Variants in TPD52 observed in about 807,000 individuals in gnomAD.
TPD52 encodes the protein prostate and colon associated protein.
Under a neutral mutation model 31.3 loss-of-function variants are expected in TPD52, and 17 were observed. That is an observed-to-expected ratio of 0.54 (90% CI 0.37 to 0.82). The LOEUF (loss-of-function observed/expected upper bound fraction) is 0.82, where lower values mean the gene tolerates loss of function less well. Ranked by LOEUF, TPD52 falls within the 40% of genes least tolerant of loss-of-function variation. The pLI is 0.00. For missense variants in TPD52, 212 were observed against 240.1 expected, an observed-to-expected ratio of 0.88 and a Z score of 0.77; for synonymous variants, 83 against 89.6, an observed-to-expected ratio of 0.93 and a Z score of 0.42.
intron 1 of TPD52, among the ~76,000 whole-genome samples, chr8:80,093,048 T>G (rs958024398): frequency 5.3e-5 from 8 of 152,246 alleles, no homozygotes; most frequent in Middle Eastern, 3.4e-3. Context: ...AAAGATTTTG[T>G]TTTTTGTTTT....
intron 1 of TPD52, among the ~76,000 whole-genome samples, chr8:80,137,349 A>G (rs1407053697): frequency 6.6e-6 from 1 of 152,236 alleles, no homozygotes; most frequent in Non-Finnish European, 1.5e-5. Flanking sequence ...GGTAAACTAT[A>G]TGGTGATTAT....
At chr8:80,098,638 A>G (rs1185376902) in intron 1 of TPD52, among the ~76,000 whole-genome samples, 2 of 152,252 alleles carry the variant, frequency 1.3e-5, no homozygotes, top group East Asian at 3.8e-4. Flanking sequence ...ATAGATGAGC[A>G]AAGATGAAAT....
At chr8:80,099,017 A>G (rs1053858368) in intron 1 of TPD52, among the ~76,000 whole-genome samples, 1 of 152,096 alleles carries the variant, frequency 6.6e-6, no homozygotes, top group Non-Finnish European at 1.5e-5. Context: ...GTAAGTGCAC[A>G]ATTTTGTTTT....
intron 1 of TPD52, among the ~76,000 whole-genome samples, chr8:80,153,433 C>T (rs193093659): frequency 1.1e-3 from 166 of 152,318 alleles, no homozygotes; most frequent in Middle Eastern, 3.4e-3. Context: ...TGCTTCCCTT[C>T]CAGCACTTTC....
At chr8:80,169,208 T>C (rs1811916017) in intron 1 of TPD52, among the ~76,000 whole-genome samples, 1 of 152,130 alleles carries the variant, frequency 6.6e-6, no homozygotes, top group African/African-American at 2.4e-5. Flanking sequence ...GTCAAACTCC[T>C]GGCCTCAAGT....
rs140880428 is a variant in TPD52, at chr8:80,071,036, G to A, written c.20-6443C>T. 2.8e-3 allele frequency among the ~76,000 whole-genome samples: 432 copies of A among 152,306 alleles called. 5 individuals are homozygous for A. The highest frequency in any genetic ancestry group is 9.9e-3 in the African/African-American group (410 of 41,560). Reference sequence around the variant, plus strand: ...GCGCAAAGCACAGAGAACACGCAGAGATTGGGGTGACATCACTACAGAACA... The same window carrying A: ...GCGCAAAGCACAGAGAACACGCAGAAATTGGGGTGACATCACTACAGAACA... On this transcript the variant is annotated intron_variant, in intron 1 of 7. Transcript: ENST00000518937.
intron 1 of TPD52, among the ~76,000 whole-genome samples, chr8:80,152,297 C>A (rs776513377): frequency 4.6e-5 from 7 of 152,118 alleles, no homozygotes; most frequent in African/African-American, 9.7e-5. Context: ...CCAGGCCAAC[C>A]CTTGATAGTA....
chr8:80,046,214 T>C (rs1038470390), intron 5 of TPD52, among the ~76,000 whole-genome samples: 5 of 152,248 alleles, frequency 3.3e-5, no homozygotes, highest in Admixed American at 2.0e-4. Context: ...GAAATGAATT[T>C]GGTGTTGAGC....
intron 1 of TPD52, among the ~76,000 whole-genome samples, chr8:80,149,892 C>T (rs529307062): frequency 6.6e-6 from 1 of 152,294 alleles, no homozygotes; most frequent in South Asian, 2.1e-4. Context: ...AAAAGAAAAA[C>T]CCATTTTCTA....
intron 1 of TPD52, among the ~76,000 whole-genome samples, chr8:80,168,699 G>C (rs1202644535): frequency 6.6e-6 from 1 of 152,188 alleles, no homozygotes; most frequent in African/African-American, 2.4e-5. Flanking sequence ...TCCATGTAAA[G>C]TTATCCTCCA....
chr8:80,045,087 C>T (rs1458488124), intron 5 of TPD52, among the ~76,000 whole-genome samples: 1 of 152,168 alleles, frequency 6.6e-6, no homozygotes, highest in Non-Finnish European at 1.5e-5. Flanking sequence ...AATATTTAAA[C>T]ACCTCTGTAC....
intron 1 of TPD52, among the ~76,000 whole-genome samples, chr8:80,100,653 G>A (rs1289954045): frequency 1.3e-5 from 2 of 152,224 alleles, no homozygotes; most frequent in African/African-American, 4.8e-5. Flanking sequence ...CAATTATGGA[G>A]GCTAAGTAAG....
chr8:80,082,432 T>TTA (rs1815389705), intron 1 of TPD52, among the ~76,000 whole-genome samples: 1 of 152,198 alleles, frequency 6.6e-6, no homozygotes, highest in African/African-American at 2.4e-5. Flanking sequence ...GTCCATTACT[T>TTA]TACTTGTTCC....
chr8:80,066,843 A>G (rs890736147), intron 1 of TPD52: 1 of 152,240 alleles, frequency 6.6e-6, no homozygotes, highest in Admixed American at 6.5e-5. Flanking sequence ...AGAGTCAAGC[A>G]TTCAAGTAAC....
chr8:80,171,469 T>G lies in TPD52; in HGVS notation c.-26A>C. 1 of 1,571,132 alleles carries G rather than the reference T, an allele frequency of 6.4e-7. No individual in the cohort carries two copies. Among genetic ancestry groups the G allele is most frequent in the Non-Finnish European group, 8.5e-7 (1 of 1,169,692 alleles). On this transcript the variant is annotated 5_prime_UTR_variant, in exon 1 of 8. Coordinates refer to ENST00000518937, the MANE Select transcript of TPD52 (RefSeq NM_001025253.3). ...GTCTCCAGCCCGCCGCCTCGTGTCC[T>G]CTGCAGCACCCCCGCCTGCAGCCCG... is the stretch of plus-strand genomic sequence containing the variant.
intron 1 of TPD52, among the ~76,000 whole-genome samples, chr8:80,113,658 A>G (rs1242108916): frequency 6.6e-6 from 1 of 152,214 alleles, no homozygotes; most frequent in Non-Finnish European, 1.5e-5. Context: ...GGACATTATG[A>G]TAAGCAAAAC....
intron 1 of TPD52, among the ~76,000 whole-genome samples, chr8:80,099,518 T>A (rs996691626): frequency 2.2e-4 from 33 of 151,176 alleles, no homozygotes; most frequent in African/African-American, 7.8e-4. Flanking sequence ...TCTTTTTTTT[T>A]TTTTTTTTTT....
chr8:80,160,889 CAAAAAAAA>C (rs58923055), intron 1 of TPD52, among the ~76,000 whole-genome samples: 21 of 95,040 alleles, frequency 2.2e-4, no homozygotes, highest in South Asian at 8.2e-4. Context: ...ACTAAAAATA[CAAAAAAAA>C]AAAAAAAAAA....
At chr8:80,121,841 C>T (rs1808279851) in intron 1 of TPD52, among the ~76,000 whole-genome samples, 1 of 152,088 alleles carries the variant, frequency 6.6e-6, no homozygotes, top group African/African-American at 2.4e-5. Context: ...TTTCTTTATT[C>T]ATTTACAAGG....
Sources: allele counts gnomAD v4.1 joint callset (sites outside exome capture counted in the v4.1 genomes callset), GRCh38; gene constraint gnomAD v4.1.1; transcripts MANE v1.5; gene names NCBI Gene and HGNC (gene_info 2026-07-23, HGNC 2026-07-21).